The following TAFA2 variants were observed in gnomAD, a reference collection of about 807,000 sequenced individuals.
The protein encoded by TAFA2 is chemokine-like protein TAFA-2.
In TAFA2, 7 loss-of-function variants were observed where a neutral mutation model predicts 18.8. The ratio of observed to expected loss-of-function variants is 0.37; its 90% CI spans 0.21 to 0.70. The LOEUF (loss-of-function observed/expected upper bound fraction) is 0.70, where lower values mean the gene tolerates loss of function less well. Ranked by LOEUF, TAFA2 falls within the 30% of genes least tolerant of loss-of-function variation. TAFA2 has a pLI of 0.53. For missense variants in TAFA2, 122 were observed against 158.1 expected, an observed-to-expected ratio of 0.77 and a Z score of 1.23; for synonymous variants, 60 against 54.2, an observed-to-expected ratio of 1.11 and a Z score of -0.47.
chr12:61,881,961 A>AAT lies in TAFA2; in HGVS notation c.-1-14537_-1-14536dup, dbSNP rs536763973. Reference sequence around the variant, plus strand: ...AGGGAACATATGAATACAAAAAAAAAATCTTGGTTATCTTCTCTGTGCTTC... The same window carrying AAT: ...AGGGAACATATGAATACAAAAAAAAAATATCTTGGTTATCTTCTCTGTGCTTC... On this transcript the variant is annotated intron_variant, in intron 1 of 4. Transcript: ENST00000416284. Among the ~76,000 whole-genome samples the AAT allele has an allele frequency of 3.7e-3, 569 of 152,224 alleles. 4 individuals are homozygous for AAT. The highest frequency in any genetic ancestry group is 0.01 in the Middle Eastern group (3 of 294).
chr12:62,202,603 T>A (rs2062676022), intron 1 of TAFA2, among the ~76,000 whole-genome samples: 1 of 152,110 alleles, frequency 6.6e-6, no homozygotes, highest in African/African-American at 2.4e-5. Flanking sequence ...ATTACAGGCG[T>A]GAGCCACTGT....
At chr12:61,907,023 C>CA (rs1476239056) in intron 1 of TAFA2, among the ~76,000 whole-genome samples, 1 of 151,930 alleles carries the variant, frequency 6.6e-6, no homozygotes, top group Non-Finnish European at 1.5e-5. Flanking sequence ...TTGGAATTGG[C>CA]ACTTAGGTTT....
chr12:62,092,949 T>G (rs1312562629), intron 1 of TAFA2, among the ~76,000 whole-genome samples: 1 of 152,070 alleles, frequency 6.6e-6, no homozygotes, highest in Non-Finnish European at 1.5e-5. Flanking sequence ...CTTACCATGG[T>G]CAGCCATCAG....
intron 1 of TAFA2, among the ~76,000 whole-genome samples, chr12:62,023,297 G>T (rs1881205882): frequency 6.6e-6 from 1 of 152,152 alleles, no homozygotes; most frequent in Non-Finnish European, 1.5e-5. Flanking sequence ...ACCTCCCTCT[G>T]TGATATGTGG....
At chr12:61,879,442 G>T (rs1284117562) in intron 1 of TAFA2, 7 of 698,108 alleles carry the variant, frequency 1.0e-5, no homozygotes, top group Admixed American at 2.0e-5. Context: ...CTCCCGAGTG[G>T]GCAGCAGCAG....
At chr12:61,744,368 C>CA (rs1197281360) in intron 4 of TAFA2, among the ~76,000 whole-genome samples, 2 of 152,122 alleles carry the variant, frequency 1.3e-5, no homozygotes, top group African/African-American at 4.8e-5. Context: ...TAAAAGCACA[C>CA]ATATATCGCC....
At chr12:61,920,048 T>A (rs921115222) in intron 1 of TAFA2, among the ~76,000 whole-genome samples, 2 of 152,194 alleles carry the variant, frequency 1.3e-5, no homozygotes, top group Non-Finnish European at 2.9e-5. Flanking sequence ...TAATGGCAAT[T>A]TTTGAAGTAC....
At chr12:61,930,769 A>G (rs1215212622) in intron 1 of TAFA2, among the ~76,000 whole-genome samples, 2 of 152,228 alleles carry the variant, frequency 1.3e-5, no homozygotes, top group Non-Finnish European at 2.9e-5. Context: ...TTCCTCTTAC[A>G]TCACTCTGCA....
chr12:62,147,933 A>G (rs1592366184), intron 1 of TAFA2, among the ~76,000 whole-genome samples: 1 of 152,164 alleles, frequency 6.6e-6, no homozygotes, highest in Non-Finnish European at 1.5e-5. Flanking sequence ...AAGAAGGCAT[A>G]CAAGTGATCA....
chr12:61,865,700 T>C (rs1379459355), intron 2 of TAFA2, among the ~76,000 whole-genome samples: 1 of 152,214 alleles, frequency 6.6e-6, no homozygotes, highest in East Asian at 1.9e-4. Flanking sequence ...GTATGCAATA[T>C]ACAGTGTGAG....
At chr12:61,826,924 A>T (rs1872555074) in intron 2 of TAFA2, among the ~76,000 whole-genome samples, 1 of 152,098 alleles carries the variant, frequency 6.6e-6, no homozygotes, top group Non-Finnish European at 1.5e-5. Context: ...TCAGAAAAAA[A>T]TTACACTGAC....
rs577507488 is a variant in TAFA2, at chr12:61,854,514, T to C, written c.106+12806A>G. Among the ~76,000 whole-genome samples, 43 of 152,062 alleles carry C rather than the reference T, an allele frequency of 2.8e-4. No individual in the cohort carries two copies. In the South Asian group the frequency reaches 8.9e-3, roughly 32 times the overall value. ...GTCCAAAAATGCACAGCTCAGCAGT[T>C]CATAATGGATCTTCACCAAGATATA... On this transcript the variant is annotated intron_variant, in intron 2 of 4. Coordinates refer to ENST00000416284, the MANE Select transcript of TAFA2 (RefSeq NM_178539.5).
chr12:61,812,614 G>C (rs1031080688), intron 2 of TAFA2, among the ~76,000 whole-genome samples: 1 of 147,726 alleles, frequency 6.8e-6, no homozygotes, highest in Non-Finnish European at 1.5e-5. Flanking sequence ...CTGTAACCCA[G>C]GCTGGAGCGC....
At chr12:62,054,194 T>G (rs558057912) in intron 1 of TAFA2, among the ~76,000 whole-genome samples, 1 of 152,166 alleles carries the variant, frequency 6.6e-6, no homozygotes, top group Non-Finnish European at 1.5e-5. Context: ...ATCAAAAAAA[T>G]TACATACAGT....
chr12:61,941,261 G>A (rs184194044), intron 1 of TAFA2, among the ~76,000 whole-genome samples: 32 of 152,148 alleles, frequency 2.1e-4, no homozygotes, highest in African/African-American at 5.5e-4. Context: ...AAGTATTTTC[G>A]ATATGTTAGA....
chr12:61,874,479 C>A (rs1421653618), intron 1 of TAFA2, among the ~76,000 whole-genome samples: 2 of 152,240 alleles, frequency 1.3e-5, no homozygotes, highest in Middle Eastern at 3.4e-3. Flanking sequence ...CATTTAAGAA[C>A]CACAATTATC....
At chr12:62,167,503 G>A (rs2062448767) in intron 1 of TAFA2, among the ~76,000 whole-genome samples, 1 of 152,126 alleles carries the variant, frequency 6.6e-6, no homozygotes, top group African/African-American at 2.4e-5. Flanking sequence ...TTATATTGGT[G>A]TCATTGATAT....
At chr12:62,233,504 C>T (rs1169477734) in intron 1 of TAFA2, among the ~76,000 whole-genome samples, 2 of 152,154 alleles carry the variant, frequency 1.3e-5, no homozygotes, top group African/African-American at 2.4e-5. Context: ...ATCCTCTCCA[C>T]GTCCATTTCT....
chr12:61,814,519 G>T lies in TAFA2; in HGVS notation c.106+52801C>A, dbSNP rs1210216319. On this transcript the variant is annotated intron_variant, in intron 2 of 4. Coordinates refer to ENST00000416284, the MANE Select transcript of TAFA2 (RefSeq NM_178539.5). ...AAGGCTGTATGGGCTGCTTGAGGAAGAACAGTTTAGAAAAGGGCAAGAGTA... is the reference window on the plus strand; with the variant it reads ...AAGGCTGTATGGGCTGCTTGAGGAATAACAGTTTAGAAAAGGGCAAGAGTA... Among the ~76,000 whole-genome samples the T allele has an allele frequency of 1.3e-5, 2 of 151,252 alleles. 1 individual carries two copies. The highest frequency in any genetic ancestry group is 4.9e-5 in the African/African-American group (2 of 40,568).
Sources: gnomAD v4.1 joint callset for allele counts (sites outside exome capture counted in the v4.1 genomes callset) on GRCh38, gnomAD v4.1.1 for gene constraint, MANE v1.5 for transcripts, NCBI Gene and HGNC (gene_info 2026-07-23, HGNC 2026-07-21) for gene names.